The following SEMA3C variants were observed in gnomAD, a reference collection of about 807,000 sequenced individuals.
SEMA3C encodes semaphorin 3C, also known as semaphorin-3C.
Under a neutral mutation model 89.4 loss-of-function variants are expected in SEMA3C, and 47 were observed. That is an observed-to-expected ratio of 0.53 (90% CI 0.42 to 0.67). The LOEUF (loss-of-function observed/expected upper bound fraction) is 0.67. Among genes scored for constraint, SEMA3C ranks in the 30% least tolerant of loss-of-function variants. The pLI is 0.00. For missense variants in SEMA3C, 839 were observed against 929.1 expected, an observed-to-expected ratio of 0.90 and a Z score of 1.26; for synonymous variants, 310 against 320.2, an observed-to-expected ratio of 0.97 and a Z score of 0.34.
At chr7:80,839,939 A>G (rs1231609187) in intron 2 of SEMA3C, among the ~76,000 whole-genome samples, 2 of 152,142 alleles carry the variant, frequency 1.3e-5, no homozygotes, top group African/African-American at 2.4e-5. Flanking sequence ...GATGCTTTCA[A>G]TAAAACTCCC....
At chr7:80,749,306 T>C (rs1037830822) in intron 16 of SEMA3C, among the ~76,000 whole-genome samples, 3 of 152,174 alleles carry the variant, frequency 2.0e-5, no homozygotes, top group African/African-American at 7.2e-5. Flanking sequence ...ACAACTGTTC[T>C]TAATATTACT....
At chr7:80,805,538 G>T (rs1217733677) in intron 7 of SEMA3C, 101 bp downstream of exon 7, 3 of 956,162 alleles carry the variant, frequency 3.1e-6, no homozygotes, top group Admixed American at 2.7e-5. Context: ...GTAATAGCCT[G>T]CTATTTTAGT....
chr7:80,826,578 G>C (rs1019714280), intron 4 of SEMA3C, among the ~76,000 whole-genome samples: 1 of 152,128 alleles, frequency 6.6e-6, no homozygotes, highest in Non-Finnish European at 1.5e-5. Flanking sequence ...ATATATAACA[G>C]GTGCTGAATC....
At chr7:80,869,508 C>A (rs117165572) in intron 2 of SEMA3C, among the ~76,000 whole-genome samples, 286 of 152,240 alleles carry the variant, frequency 1.9e-3, no homozygotes, top group Non-Finnish European at 2.8e-3. Context: ...TTACATTCTT[C>A]TTTGCTTTTC....
intron 2 of SEMA3C, among the ~76,000 whole-genome samples, chr7:80,860,114 G>A (rs1012144985): frequency 1.1e-4 from 17 of 151,878 alleles, no homozygotes; most frequent in Non-Finnish European, 1.6e-4. Context: ...TAGCAAATAC[G>A]TATAGACTAG....
chr7:80,804,166 T>C lies in SEMA3C; in HGVS notation c.741A>G (p.Lys247=), dbSNP rs1280623489. The change falls in exon 8 of 18, where the codon AAA becomes AAG. Residue 247 remains lysine, a synonymous_variant. Transcript: ENST00000265361. ...DAKVYFFFKE[K]LTDNNRSTKQ... ...TCGTGCTCCTGTTATTGTCAGTCAG[T>C]TTTTCTTTGAAGAAGAAGTACACCT... 6.2e-7 allele frequency: 1 copy of C among 1,613,030 alleles called. No homozygotes were observed. Among genetic ancestry groups the C allele is most frequent in the South Asian group, 1.1e-5 (1 of 90,958 alleles).
At position 80,744,901 on chromosome 7, in the gene SEMA3C, T is replaced by C. The variant is rs1323704485; in HGVS notation, c.2249A>G (p.Glu750Gly). The change falls in exon 18 of 18, where the codon GAG becomes GGG. Residue 750 changes from glutamate (E) to glycine (G), a missense_variant. Transcript: ENST00000265361. Reference sequence around the variant, plus strand: ...GACCCACATAAGAAAATATTATGACTCTGGCAACTGATTCCTCCTGTTTCT... The same window carrying C: ...GACCCACATAAGAAAATATTATGACCCTGGCAACTGATTCCTCCTGTTTCT... ...KSRNRRNQLP[E>G]S is the part of the protein sequence containing the mutation. 1.2e-6 allele frequency: 2 copies of C among 1,614,050 alleles called. No homozygotes were observed. Among genetic ancestry groups the C allele is most frequent in the Non-Finnish European group, 1.7e-6 (2 of 1,179,934 alleles).
intron 2 of SEMA3C, among the ~76,000 whole-genome samples, chr7:80,888,249 C>CA (rs1254927327): frequency 2.0e-5 from 3 of 151,748 alleles, no homozygotes; most frequent in African/African-American, 7.3e-5. Context: ...CCCATCTCTA[C>CA]AAAAAATACA....
chr7:80,885,963 C>T (rs1791465192), intron 2 of SEMA3C, among the ~76,000 whole-genome samples: 1 of 152,198 alleles, frequency 6.6e-6, no homozygotes, highest in Non-Finnish European at 1.5e-5. Context: ...GCATCTATTA[C>T]AACAAACCTG....
chr7:80,746,480 T>C (rs1235533687), intron 17 of SEMA3C, among the ~76,000 whole-genome samples: 1 of 152,154 alleles, frequency 6.6e-6, no homozygotes, highest in Non-Finnish European at 1.5e-5. Context: ...TGGGAAAATA[T>C]TTTGAGTCCA....
intron 12 of SEMA3C, among the ~76,000 whole-genome samples, chr7:80,769,790 C>T (rs1234929311): frequency 4.7e-5 from 6 of 127,986 alleles, no homozygotes; most frequent in African/African-American, 8.9e-5. Flanking sequence ...ACCTGGGAGG[C>T]GGAAGTTGCA....
intron 12 of SEMA3C, among the ~76,000 whole-genome samples, chr7:80,765,583 T>TTTTGTTTTGTTTTG (rs147219875): frequency 3.5e-5 from 4 of 114,758 alleles, no homozygotes; most frequent in African/African-American, 1.1e-4. Flanking sequence ...TTTTGTTTTG[T>TTTTGTTTTGTTTTG]TTTGTTTGTT....
At chr7:80,829,324 A>T (rs1438307951) in intron 2 of SEMA3C, among the ~76,000 whole-genome samples, 1 of 152,196 alleles carries the variant, frequency 6.6e-6, no homozygotes, top group African/African-American at 2.4e-5. Context: ...ACTGGACATC[A>T]TCAGCTCAAA....
rs573300264 is a variant in SEMA3C at position 80,832,919 on chromosome 7, C to A, written c.104-4174G>T. On this transcript the variant is annotated intron_variant, in intron 2 of 17. Coordinates refer to ENST00000265361, the MANE Select transcript of SEMA3C (RefSeq NM_006379.5). ...ACTGATATTATCTTTTGAGGGTCCA[C>A]AAACCCCCATCACGACTTTCTCACA... is the stretch of plus-strand genomic sequence containing the variant. 5.9e-5 allele frequency among the ~76,000 whole-genome samples: 9 copies of A among 152,266 alleles called. No individual in the cohort carries two copies. In the East Asian group the frequency reaches 1.7e-3, roughly 29 times the overall value.
intron 2 of SEMA3C, among the ~76,000 whole-genome samples, chr7:80,894,369 G>A (rs1230371275): frequency 1.3e-5 from 2 of 151,154 alleles, no homozygotes; most frequent in Non-Finnish European, 2.9e-5. Context: ...TTACACAATG[G>A]TTTCACATTG....
chr7:80,901,940 A>G (rs1791890193), intron 2 of SEMA3C, among the ~76,000 whole-genome samples: 1 of 152,090 alleles, frequency 6.6e-6, no homozygotes, highest in South Asian at 2.1e-4. Flanking sequence ...AAGTTTTTCA[A>G]TTCATGTTGT....
intron 2 of SEMA3C, among the ~76,000 whole-genome samples, chr7:80,902,137 G>A (rs1235096578): frequency 6.6e-6 from 1 of 152,146 alleles, no homozygotes; most frequent in Non-Finnish European, 1.5e-5. Context: ...ATGTTTTGTA[G>A]AGAAAGGATT....
intron 2 of SEMA3C, among the ~76,000 whole-genome samples, chr7:80,914,474 G>C (rs908603715): frequency 1.3e-4 from 19 of 151,988 alleles, no homozygotes; most frequent in Admixed American, 5.9e-4. Context: ...AACTGTTTTC[G>C]CCTGATACTT....
At chr7:80,915,158 G>A (rs1792239129) in intron 2 of SEMA3C, among the ~76,000 whole-genome samples, 1 of 152,146 alleles carries the variant, frequency 6.6e-6, no homozygotes, top group African/African-American at 2.4e-5. Flanking sequence ...TCTTTTATTT[G>A]AAAACGTATT....
Sources: gnomAD v4.1 joint callset for allele counts (sites outside exome capture counted in the v4.1 genomes callset) on GRCh38, gnomAD v4.1.1 for gene constraint, MANE v1.5 for transcripts, NCBI Gene and HGNC (gene_info 2026-07-23, HGNC 2026-07-21) for gene names.